The following SLC8A1 variants were observed in gnomAD, a reference collection of about 807,000 sequenced individuals.
SLC8A1 encodes the protein solute carrier family 8 member A1.
A neutral mutation model predicts 68.3 loss-of-function variants in SLC8A1; 18 were observed. The ratio of observed to expected loss-of-function variants is 0.26; its 90% CI spans 0.18 to 0.39. The LOEUF (loss-of-function observed/expected upper bound fraction) is 0.39. Among genes scored for constraint, SLC8A1 ranks in the 10% least tolerant of loss-of-function variants. SLC8A1 has a pLI of 1.00. For missense variants in SLC8A1, 985 were observed against 1,156.7 expected (o/e 0.85, Z 2.15); for synonymous variants, 475 against 415.5 (o/e 1.14, Z -1.74).
At chr2:40,277,818 A>ATATG in intron 2 of SLC8A1, among the ~76,000 whole-genome samples, 1 of 141,804 alleles carries the variant, frequency 7.1e-6, no homozygotes, top group East Asian at 2.0e-4. Flanking sequence ...ATATATATAT[A>ATATG]TATATATATA....
intron 2 of SLC8A1, among the ~76,000 whole-genome samples, chr2:40,308,375 G>A (rs1285718804): frequency 6.6e-6 from 1 of 152,126 alleles, no homozygotes; most frequent in African/African-American, 2.4e-5. Context: ...TGCAAAGGTA[G>A]ACACTTTTCA....
chr2:40,475,523 A>T (rs1704238520), intron 1 of SLC8A1, among the ~76,000 whole-genome samples: 1 of 152,128 alleles, frequency 6.6e-6, no homozygotes, highest in Non-Finnish European at 1.5e-5. Context: ...CTGAGGATTT[A>T]TTAAATATTT....
chr2:40,435,455 T>A (rs1699207716), intron 1 of SLC8A1, among the ~76,000 whole-genome samples: 1 of 152,124 alleles, frequency 6.6e-6, no homozygotes, highest in African/African-American at 2.4e-5. Context: ...TACTAATACC[T>A]AATTTTCCCT....
chr2:40,327,785 C>T (rs1387048267), intron 2 of SLC8A1, among the ~76,000 whole-genome samples: 1 of 152,074 alleles, frequency 6.6e-6, no homozygotes, highest in African/African-American at 2.4e-5. Flanking sequence ...GGCTGAACAA[C>T]TACCTATTGG....
At chr2:40,367,194 T>C (rs1489936005) in intron 2 of SLC8A1, among the ~76,000 whole-genome samples, 1 of 151,980 alleles carries the variant, frequency 6.6e-6, no homozygotes, top group Non-Finnish European at 1.5e-5. Flanking sequence ...TACTAACTCT[T>C]GCTTAATCAG....
intron 2 of SLC8A1, among the ~76,000 whole-genome samples, chr2:40,226,509 C>T (rs2058998673): frequency 6.6e-6 from 1 of 152,158 alleles, no homozygotes; most frequent in Admixed American, 6.6e-5. Context: ...GGTTTCTGTA[C>T]ACAGATCTTG....
At chr2:40,329,132 A>C (rs1236039946) in intron 2 of SLC8A1, among the ~76,000 whole-genome samples, 1 of 152,004 alleles carries the variant, frequency 6.6e-6, no homozygotes, top group African/African-American at 2.4e-5. Flanking sequence ...CACTGAAAAC[A>C]GACAAACTTT....
intron 4 of SLC8A1, 80 bp downstream of exon 6, chr2:40,174,626 A>T: frequency 7.9e-7 from 1 of 1,265,220 alleles, no homozygotes; most frequent in Non-Finnish European, 1.1e-6. Flanking sequence ...TATTAATGCA[A>T]GTTACATAAG....
intron 2 of SLC8A1, among the ~76,000 whole-genome samples, chr2:40,337,745 A>T (rs1000974917): frequency 6.6e-6 from 1 of 152,078 alleles, no homozygotes; most frequent in Non-Finnish European, 1.5e-5. Context: ...CCTTCTATTC[A>T]TGGAGAAATA....
chr2:40,474,097 C>T (rs1704144875), intron 1 of SLC8A1, among the ~76,000 whole-genome samples: 1 of 152,154 alleles, frequency 6.6e-6, no homozygotes, highest in Non-Finnish European at 1.5e-5. Context: ...AGAACTGCCT[C>T]TCTCAATAGA....
intron 2 of SLC8A1, among the ~76,000 whole-genome samples, chr2:40,240,831 T>C (rs1441212390): frequency 6.6e-6 from 1 of 152,100 alleles, no homozygotes; most frequent in Non-Finnish European, 1.5e-5. Flanking sequence ...TGAACCATGA[T>C]CATTGCCATT....
intron 2 of SLC8A1, among the ~76,000 whole-genome samples, chr2:40,187,176 C>A (rs569665962): frequency 6.6e-6 from 1 of 152,082 alleles, no homozygotes; most frequent in Admixed American, 6.5e-5. Flanking sequence ...GTCCAGAATC[C>A]GAAACTCAAG....
chr2:40,369,442 G>A (rs529023246), intron 2 of SLC8A1, among the ~76,000 whole-genome samples: 1 of 152,164 alleles, frequency 6.6e-6, no homozygotes, highest in East Asian at 1.9e-4. Context: ...TTGTTAACAT[G>A]CATGAACTTC....
At chr2:40,380,182 T>A (rs1229026665) in intron 2 of SLC8A1, among the ~76,000 whole-genome samples, 2 of 152,174 alleles carry the variant, frequency 1.3e-5, no homozygotes, top group East Asian at 3.9e-4. Context: ...ATCCTTGTAC[T>A]CATTTTCCAT....
At chr2:40,310,940 A>G (rs959153639) in intron 2 of SLC8A1, among the ~76,000 whole-genome samples, 17 of 152,132 alleles carry the variant, frequency 1.1e-4, no homozygotes, top group African/African-American at 4.1e-4. Context: ...ATGTTCTTTG[A>G]CCTAATTTTT....
At chr2:40,358,745 C>T (rs976734756) in intron 2 of SLC8A1, among the ~76,000 whole-genome samples, 1 of 152,146 alleles carries the variant, frequency 6.6e-6, no homozygotes, top group South Asian at 2.1e-4. Context: ...AAGAAACAGG[C>T]AAGACTCCTA....
chr2:40,145,063 T>C (rs2042202834), intron 6 of SLC8A1, among the ~76,000 whole-genome samples: 1 of 152,208 alleles, frequency 6.6e-6, no homozygotes, highest in African/African-American at 2.4e-5. Context: ...CCTATGTCTC[T>C]CATTGCCTGC....
At chr2:40,443,060 C>T (rs1400421200) in intron 1 of SLC8A1, among the ~76,000 whole-genome samples, 1 of 151,834 alleles carries the variant, frequency 6.6e-6, no homozygotes, top group East Asian at 1.9e-4. Flanking sequence ...ACAATGAGAA[C>T]ACATGGACAC....
At chr2:40,239,090 TTAG>T (rs1437083209) in intron 2 of SLC8A1, among the ~76,000 whole-genome samples, 1 of 152,162 alleles carries the variant, frequency 6.6e-6, no homozygotes, top group African/African-American at 2.4e-5. Flanking sequence ...TCTAAATTAT[TTAG>T]TAAAGTTTGC....
Sources: allele counts gnomAD v4.1 joint callset (sites outside exome capture counted in the v4.1 genomes callset), GRCh38; gene constraint gnomAD v4.1.1; transcripts MANE v1.5; gene names NCBI Gene and HGNC (gene_info 2026-07-23, HGNC 2026-07-21).